Variants in PRPF8 observed in about 807,000 individuals in gnomAD.
PRPF8 encodes pre-mRNA-processing-splicing factor 8.
PRPF8 carries 64 observed loss-of-function variants against 285.9 expected under a neutral mutation model. That is an observed-to-expected ratio of 0.22 (90% CI 0.18 to 0.28). The LOEUF (loss-of-function observed/expected upper bound fraction) is 0.28. Among genes scored for constraint, PRPF8 ranks in the 10% least tolerant of loss-of-function variants. The pLI, the probability that PRPF8 is intolerant of heterozygous loss-of-function variation, is 1.00. For synonymous variants in PRPF8, 1,325 were observed against 1,118.2 expected, an observed-to-expected ratio of 1.18 and a Z score of -3.69; for missense variants, 1,426 against 3,026.7, an observed-to-expected ratio of 0.47 and a Z score of 12.41.
At chr17:1,677,492 GA>G (rs1912666296) in intron 14 of PRPF8, 72 bp downstream of exon 14, 1 of 1,605,812 alleles carries the variant, frequency 6.2e-7, no homozygotes, top group East Asian at 2.2e-5. Flanking sequence ...CAAGAGCAGG[GA>G]ACAGACTCAA....
intron 2 of PRPF8, 41 bp from the exon 3 acceptor site, chr17:1,683,742 C>T (rs758357585): frequency 1.2e-6 from 2 of 1,610,872 alleles, no homozygotes; most frequent in Admixed American, 1.7e-5. Context: ...ACACCCTCCC[C>T]CTAATCCTCT....
intron 4 of PRPF8, 45 bp downstream of exon 4, chr17:1,682,084 A>G (rs1567692756): frequency 6.2e-7 from 1 of 1,610,224 alleles, no homozygotes; most frequent in South Asian, 1.1e-5. Context: ...ACTGCCTCCC[A>G]ACCACCACCA....
In PRPF8 at chr17:1,673,150, C is replaced by G. The variant is rs201906457; in HGVS notation, c.3705G>C (p.Glu1235Asp). 51 of 1,614,244 alleles carry G rather than the reference C, an allele frequency of 3.2e-5. No individual in the cohort carries two copies. Residue 1235 changes from glutamate (E) to aspartate (D), a missense_variant, in exon 24 of 43, where the codon GAG becomes GAC. Around this residue, in one of 34 missense-constraint regions of PRPF8, gnomAD observed 18 missense variants for 20.6 expected, o/e 0.87. Coordinates refer to ENST00000304992, the MANE Select transcript of PRPF8 (RefSeq NM_006445.4). This position sits in a 1 kb window ranked among gnomAD's most constrained non-coding sequence, Gnocchi z 5.5. ...TAQCFLRVDDESMQRFHNRVR... is the reference protein window; with the variant it reads ...TAQCFLRVDDDSMQRFHNRVR... The stretch of plus-strand genomic sequence containing the variant: ...CGCGGTTGTGGAAGCGCTGCATTGA[C>G]TCATCGTCCACACGCAGGAAACACT...
At position 1,680,742 on chromosome 17, in the gene PRPF8, T is replaced by C. The variant is rs1236924890; in HGVS notation, c.1082A>G (p.His361Arg). The C allele has an allele frequency of 1.2e-6, 2 of 1,612,594 alleles. No homozygotes were observed. The highest frequency in any genetic ancestry group is 8.5e-7 in the Non-Finnish European group (1 of 1,178,752). The change falls in exon 8 of 43, where the codon CAT (histidine) becomes CGT (arginine). Residue 361 changes from histidine (H) to arginine (R), a missense_variant. His to Arg is a conservative substitution (Grantham distance 29, BLOSUM62 0). Around this residue, in one of 34 missense-constraint regions of PRPF8, gnomAD observed 137 missense variants for 161.2 expected, o/e 0.85. Coordinates refer to ENST00000304992, the MANE Select transcript of PRPF8 (RefSeq NM_006445.4). ...YFDPLINPIS[H>R]RHSVKSQEPL... Reference sequence around the variant, plus strand: ...CTTCCTCACCTTGACTGAGTGCCTATGGGAGATTGGGTTGATCAAAGGGTC... The same window carrying C: ...CTTCCTCACCTTGACTGAGTGCCTACGGGAGATTGGGTTGATCAAAGGGTC...
chr17:1,659,625 C>G lies in PRPF8; in HGVS notation c.4947-77G>C. 1 of 1,560,294 alleles carries G rather than the reference C, an allele frequency of 6.4e-7. No individual in the cohort carries two copies. Among genetic ancestry groups the G allele is most frequent in the Non-Finnish European group, 8.8e-7 (1 of 1,136,956 alleles). On this transcript the variant is annotated intron_variant, in intron 31 of 42. Transcript: ENST00000304992. This position sits in a 1 kb window ranked among gnomAD's most constrained non-coding sequence, Gnocchi z 5.1. Reference sequence around the variant, plus strand: ...TCCCCAGAACCAGAACCACTTAAATCCCAAAACCATCCCACCCACTCCACC... The same window carrying G: ...TCCCCAGAACCAGAACCACTTAAATGCCAAAACCATCCCACCCACTCCACC...
intron 24 of PRPF8, among the ~76,000 whole-genome samples, chr17:1,671,850 CAAAAA>C (rs1225346730): frequency 8.0e-5 from 4 of 49,816 alleles, no homozygotes; most frequent in African/African-American, 1.5e-4. Context: ...GACTCCATCT[CAAAAA>C]AAAAAAAAAA....
intron 37 of PRPF8, chr17:1,654,483 A>G (rs542408365): frequency 3.5e-6 from 1 of 288,804 alleles, no homozygotes; most frequent in Admixed American, 4.7e-5. Flanking sequence ...AATTCTTCCC[A>G]TGTATGGACA....
Position 1,674,448 on chromosome 17 carries a change from A to G in PRPF8, c.3293T>C (p.Phe1098Ser). Residue 1098 changes from phenylalanine (F) to serine (S), a missense_variant, in exon 21 of 43, where the codon TTT (phenylalanine) becomes TCT (serine). Transcript: ENST00000304992. ...FCRYIDRIHI[F>S]FRFTADEARD... ...AATCCAGGAAAGCCCTCACCTGAAA[A>G]AAATATGGATGCGATCAATGTATCT... The G allele has an allele frequency of 6.2e-7, 1 of 1,614,098 alleles. No individual in the cohort carries two copies. The highest frequency in any genetic ancestry group is 8.5e-7 in the Non-Finnish European group (1 of 1,179,962).
intron 2 of PRPF8, 59 bp downstream of exon 2, chr17:1,684,413 G>A: frequency 1.3e-6 from 2 of 1,565,238 alleles, no homozygotes; most frequent in Non-Finnish European, 1.8e-6. Flanking sequence ...CCACCCGCCT[G>A]CGCGCGCGCA....
At position 1,679,747 on chromosome 17, in the gene PRPF8, A is replaced by C; in HGVS notation, c.1151T>G (p.Val384Gly). The change falls in exon 9 of 43, where the codon GTG (valine) becomes GGG (glycine). Residue 384 changes from valine (V) to glycine (G), a missense_variant. By Grantham distance (109) the Val-to-Gly change is moderately radical (BLOSUM62 -3). Around this residue, in one of 34 missense-constraint regions of PRPF8, gnomAD observed 137 missense variants for 161.2 expected, o/e 0.85. Coordinates refer to ENST00000304992, the MANE Select transcript of PRPF8 (RefSeq NM_006445.4). This position sits in a 1 kb window ranked among gnomAD's most constrained non-coding sequence, Gnocchi z 4.7. ...DDEEFELPEF[V>G]EPFLKDTPLY... is the part of the protein sequence containing the mutation. The stretch of plus-strand genomic sequence containing the variant: ...GGGTGTGTCCTTCAGGAAGGGCTCC[A>C]CAAACTCCGGGAGCTCAAATTCCTC... 2 of 1,614,178 alleles carry C rather than the reference A, an allele frequency of 1.2e-6. No homozygotes were observed. The highest frequency in any genetic ancestry group is 1.7e-5 in the Admixed American group (1 of 60,008).
intron 24 of PRPF8, among the ~76,000 whole-genome samples, chr17:1,671,911 G>A (rs1406110826): frequency 6.6e-6 from 1 of 151,358 alleles, no homozygotes; most frequent in Non-Finnish European, 1.5e-5. Context: ...GTATGCACCT[G>A]TGGTCCCAGA....
Position 1,674,696 on chromosome 17 carries a change from T to C in PRPF8, c.3061-16A>G. On this transcript the variant is annotated splice_polypyrimidine_tract_variant and intron_variant, in intron 20 of 42. Coordinates refer to ENST00000304992, the MANE Select transcript of PRPF8 (RefSeq NM_006445.4). The stretch of plus-strand genomic sequence containing the variant: ...GGTTCATGTCCTAGAAAGAAAGAAC[T>C]ACAATTCTTAAGAATGTGAGCCATG... 2 of 1,604,778 alleles carry C rather than the reference T, an allele frequency of 1.2e-6. No individual in the cohort carries two copies. Among genetic ancestry groups the C allele is most frequent in the Non-Finnish European group, 1.7e-6 (2 of 1,171,750 alleles).
intron 3 of PRPF8, 65 bp downstream of exon 3, chr17:1,683,468 C>G (rs1913050474): frequency 6.4e-7 from 1 of 1,560,132 alleles, no homozygotes; most frequent in African/African-American, 1.4e-5. Context: ...CAATCCAAGA[C>G]TGTGGGACAG....
rs887731991 is a variant in PRPF8, at chr17:1,673,960, A to G, written c.3300-68T>C. ...GATTTGGGACACCCACAAGTCCTCCAGCTCAATAGACGGAGACCCCACCCC... is the reference window on the plus strand; with the variant it reads ...GATTTGGGACACCCACAAGTCCTCCGGCTCAATAGACGGAGACCCCACCCC... On this transcript the variant is annotated intron_variant, in intron 21 of 42. Coordinates refer to ENST00000304992, the MANE Select transcript of PRPF8 (RefSeq NM_006445.4). This position sits in a 1 kb window ranked among gnomAD's most constrained non-coding sequence, Gnocchi z 5.5. 100 of 1,578,342 alleles carry G rather than the reference A, an allele frequency of 6.3e-5. No homozygotes were observed. The Middle Eastern group carries it at 2.1e-3, about 34-fold the overall frequency.
At chr17:1,684,371 C>T in intron 2 of PRPF8, 101 bp downstream of exon 2, 1 of 1,141,114 alleles carries the variant, frequency 8.8e-7, no homozygotes, top group Non-Finnish European at 1.3e-6. Flanking sequence ...AGGGAGCTGA[C>T]ACCTCAGGAG....
At chr17:1,666,121 G>A (rs558189863) in intron 24 of PRPF8, among the ~76,000 whole-genome samples, 1 of 151,252 alleles carries the variant, frequency 6.6e-6, no homozygotes, top group Admixed American at 6.6e-5. Context: ...AGCAGAGATC[G>A]CGCCACTGCA....
chr17:1,660,385 C>G, intron 30 of PRPF8, 47 bp downstream of exon 30: 1 of 1,612,528 alleles, frequency 6.2e-7, no homozygotes, highest in Non-Finnish European at 8.5e-7. Context: ...CTCAATTCCA[C>G]CTGAGCTGAC....
Position 1,675,547 on chromosome 17 carries a change from C to G in PRPF8, c.2872+73G>C, listed in dbSNP as rs1912565628. On this transcript the variant is annotated intron_variant, in intron 19 of 42. Coordinates refer to ENST00000304992, the MANE Select transcript of PRPF8 (RefSeq NM_006445.4). The surrounding 1 kb of genome is among the most constrained non-coding windows in gnomAD (Gnocchi z 6.0). ...TCAAGAGAGTAAACCAATCATGCTACCCAGATGAGATTTTTGACGTAGAAC... is the reference window on the plus strand; with the variant it reads ...TCAAGAGAGTAAACCAATCATGCTAGCCAGATGAGATTTTTGACGTAGAAC... The G allele has an allele frequency of 7.6e-6, 12 of 1,585,362 alleles. No individual in the cohort carries two copies. Among genetic ancestry groups the G allele is most frequent in the Non-Finnish European group, 6.9e-6 (8 of 1,154,642 alleles).
chr17:1,684,117 C>T (rs989912111), intron 2 of PRPF8, among the ~76,000 whole-genome samples: 7 of 152,108 alleles, frequency 4.6e-5, no homozygotes, highest in Non-Finnish European at 8.8e-5. Flanking sequence ...GAACTCCTGA[C>T]CTCAGGTGAT....
Sources: allele counts gnomAD v4.1 joint callset (sites outside exome capture counted in the v4.1 genomes callset), GRCh38; gene constraint gnomAD v4.1.1; regional missense constraint gnomAD v4.1.1; non-coding constraint Gnocchi (gnomAD v3.1); transcripts MANE v1.5; gene names NCBI Gene and HGNC (gene_info 2026-07-23, HGNC 2026-07-21).